CADM2: variants seen among roughly 807,000 people sequenced by gnomAD.
The protein encoded by CADM2 is cell adhesion molecule 2.
A neutral mutation model predicts 49.8 loss-of-function variants in CADM2; 12 were observed. The ratio of observed to expected loss-of-function variants is 0.24; its 90% CI spans 0.15 to 0.39. CADM2 has a LOEUF of 0.39. Among genes scored for constraint, CADM2 ranks in the 10% least tolerant of loss-of-function variants. The probability of loss-of-function intolerance (pLI) is 1.00; values close to 1 mark genes in which losing one functional copy is unlikely to be tolerated. For synonymous variants in CADM2, 214 were observed against 175.4 expected (o/e 1.22, Z -1.74); for missense variants, 378 against 492.3 (o/e 0.77, Z 2.20).
chr3:85,363,542 A>C (rs1171019097), intron 1 of CADM2, among the ~76,000 whole-genome samples: 5 of 152,362 alleles, frequency 3.3e-5, no homozygotes, highest in Non-Finnish European at 7.3e-5. Context: ...AAAACATAAA[A>C]ATCTTAATAA....
chr3:85,047,984 A>G (rs528835837), intron 1 of CADM2, among the ~76,000 whole-genome samples: 2 of 152,246 alleles, frequency 1.3e-5, no homozygotes, highest in African/African-American at 4.8e-5. Flanking sequence ...TAATTAATGT[A>G]TATCTACTAT....
chr3:85,771,275 T>G (rs2070071679), intron 2 of CADM2, among the ~76,000 whole-genome samples: 1 of 152,128 alleles, frequency 6.6e-6, no homozygotes, highest in Non-Finnish European at 1.5e-5. Context: ...CATTGGTCAA[T>G]TCACAAATCA....
chr3:85,028,437 T>C (rs1289925680), intron 1 of CADM2, among the ~76,000 whole-genome samples: 2 of 152,104 alleles, frequency 1.3e-5, no homozygotes, highest in Non-Finnish European at 2.9e-5. Context: ...AACCATGCTA[T>C]TTAGAAATTT....
Position 85,083,724 on chromosome 3 carries a change from A to T in CADM2, c.61+124056A>T, listed in dbSNP as rs183038771. Among the ~76,000 whole-genome samples, 60 of 152,198 alleles carry T rather than the reference A, an allele frequency of 3.9e-4. No individual in the cohort carries two copies. The East Asian group carries it at 9.9e-3, about 25-fold the overall frequency. Reference sequence around the variant, plus strand: ...AGAAAATATTTTTAAAATCTCCTTGATCATTTTTTTGTCTTTTGTCTTTCT... The same window carrying T: ...AGAAAATATTTTTAAAATCTCCTTGTTCATTTTTTTGTCTTTTGTCTTTCT... On this transcript the variant is annotated intron_variant, in intron 1 of 9. Transcript: ENST00000383699.
chr3:85,822,897 C>A (rs565315517), intron 3 of CADM2, among the ~76,000 whole-genome samples: 4 of 152,148 alleles, frequency 2.6e-5, no homozygotes, highest in Non-Finnish European at 5.9e-5. Context: ...ATTTATGAAC[C>A]ATGTCATAAA....
chr3:85,114,058 C>T (rs1317326352), intron 1 of CADM2, among the ~76,000 whole-genome samples: 2 of 151,612 alleles, frequency 1.3e-5, no homozygotes, highest in African/African-American at 4.8e-5. Flanking sequence ...CCTCATAAAC[C>T]ATAAGTATAG....
At chr3:85,156,762 C>T (rs1017435891) in intron 1 of CADM2, among the ~76,000 whole-genome samples, 1 of 152,182 alleles carries the variant, frequency 6.6e-6, no homozygotes, top group African/African-American at 2.4e-5. Flanking sequence ...GGAAGCATTC[C>T]TTTTGAAAAC....
intron 8 of CADM2, among the ~76,000 whole-genome samples, chr3:86,032,195 C>CA (rs1034883256): frequency 2.0e-5 from 3 of 151,562 alleles, no homozygotes; most frequent in African/African-American, 4.8e-5. Flanking sequence ...CTATACTATA[C>CA]AAAAAAATCT....
intron 1 of CADM2, among the ~76,000 whole-genome samples, chr3:85,102,995 C>T (rs2038068869): frequency 6.6e-6 from 1 of 152,110 alleles, no homozygotes; most frequent in African/African-American, 2.4e-5. Context: ...TATGCACATT[C>T]TATTGCTGGG....
At chr3:85,252,824 T>C (rs2042804300) in intron 1 of CADM2, among the ~76,000 whole-genome samples, 2 of 150,152 alleles carry the variant, frequency 1.3e-5, no homozygotes, top group African/African-American at 5.0e-5. Flanking sequence ...CTAACCGTGG[T>C]CAGTAGTCCT....
At chr3:85,875,444 T>C (rs1559715414) in intron 3 of CADM2, among the ~76,000 whole-genome samples, 3 of 152,186 alleles carry the variant, frequency 2.0e-5, no homozygotes. Context: ...CTGACAAGTG[T>C]TAAGTCTTAG....
At chr3:85,497,560 TA>T (rs2039956172) in intron 1 of CADM2, among the ~76,000 whole-genome samples, 1 of 152,166 alleles carries the variant, frequency 6.6e-6, no homozygotes, top group Admixed American at 6.5e-5. Flanking sequence ...ACAGATTGTT[TA>T]AAAAACTTGT....
At chr3:85,953,454 C>T (rs770335955) in intron 7 of CADM2, among the ~76,000 whole-genome samples, 2 of 150,828 alleles carry the variant, frequency 1.3e-5, no homozygotes, top group Non-Finnish European at 3.0e-5. Context: ...AAGCATTCTA[C>T]CCAGGGCTTA....
intron 1 of CADM2, among the ~76,000 whole-genome samples, chr3:85,043,866 A>G (rs973741140): frequency 6.6e-6 from 1 of 152,096 alleles, no homozygotes; most frequent in Non-Finnish European, 1.5e-5. Context: ...ATGCAATAGA[A>G]GTATATATGA....
At chr3:85,383,208 T>G (rs1175122252) in intron 1 of CADM2, among the ~76,000 whole-genome samples, 1 of 152,136 alleles carries the variant, frequency 6.6e-6, no homozygotes, top group East Asian at 1.9e-4. Context: ...GCTCTGACCA[T>G]GAGGCATCCC....
intron 1 of CADM2, among the ~76,000 whole-genome samples, chr3:85,176,271 C>A (rs1266799706): frequency 6.6e-6 from 1 of 152,048 alleles, no homozygotes; most frequent in Non-Finnish European, 1.5e-5. Flanking sequence ...GCAGCCATAC[C>A]CTCTCACCAA....
At chr3:85,833,991 A>G (rs891354811) in intron 3 of CADM2, among the ~76,000 whole-genome samples, 1 of 151,662 alleles carries the variant, frequency 6.6e-6, no homozygotes, top group Non-Finnish European at 1.5e-5. Flanking sequence ...CAATCCATGT[A>G]CATGGGATGT....
rs1553710489 is a variant in CADM2, at chr3:85,939,468, A to AC, written c.791+3611_791+3612insC. The stretch of plus-strand genomic sequence containing the variant: ...ATTCTCCATTTTAAAAGTAAACGAA[A>AC]ACACACACACACACACACACACACA... On this transcript the variant is annotated intron_variant, in intron 7 of 9. Coordinates refer to ENST00000383699, the MANE Select transcript of CADM2 (RefSeq NM_001167675.2). Among the ~76,000 whole-genome samples, 851 of 137,080 alleles carry AC rather than the reference A, an allele frequency of 6.2e-3. 10 individuals are homozygous for AC. Among genetic ancestry groups the AC allele is most frequent in the African/African-American group, 0.02 (741 of 36,594 alleles). 89.9% of individuals were successfully genotyped at this position (137,080 alleles called of 152,430 possible). A position where few individuals can be genotyped will look rare whatever the true frequency, so the allele number is the denominator to read the frequency against.
chr3:85,648,956 A>G (rs2064967500), intron 1 of CADM2, among the ~76,000 whole-genome samples: 1 of 152,102 alleles, frequency 6.6e-6, no homozygotes, highest in Non-Finnish European at 1.5e-5. Flanking sequence ...AAAAGAAAGA[A>G]ATAAGCTATT....
Sources: allele counts gnomAD v4.1 joint callset (sites outside exome capture counted in the v4.1 genomes callset), GRCh38; gene constraint gnomAD v4.1.1; transcripts MANE v1.5; gene names NCBI Gene and HGNC (gene_info 2026-07-23, HGNC 2026-07-21).